Variants in ASB15 observed in about 807,000 individuals in gnomAD.
ASB15 encodes the protein ankyrin repeat and SOCS box containing 15.
A neutral mutation model predicts 58.0 loss-of-function variants in ASB15; 54 were observed. The ratio of observed to expected loss-of-function variants is 0.93; its 90% confidence interval spans 0.75 to 1.17. The LOEUF is 1.17. ASB15 is among the 50% of genes most tolerant of loss of function. The probability of loss-of-function intolerance (pLI) is 0.00; values close to 1 mark genes in which losing one functional copy is unlikely to be tolerated. For synonymous variants in ASB15, 249 were observed against 262.4 expected, an observed-to-expected ratio of 0.95 and a Z score of 0.50; for missense variants, 680 against 707.4, an observed-to-expected ratio of 0.96 and a Z score of 0.44.
intron 11 of ASB15, among the ~76,000 whole-genome samples, chr7:123,633,941 A>G (rs1353457643): frequency 6.6e-6 from 1 of 152,248 alleles, no homozygotes; most frequent in East Asian, 1.9e-4. Context: ...AACTGGCCAA[A>G]GATGGGACAA....
intron 1 of ASB15, among the ~76,000 whole-genome samples, chr7:123,593,189 G>A (rs1341339967): frequency 6.6e-6 from 1 of 152,090 alleles, no homozygotes; most frequent in Non-Finnish European, 1.5e-5. Flanking sequence ...TGGGTCTCCT[G>A]AATATAGCAC....
intron 1 of ASB15, among the ~76,000 whole-genome samples, chr7:123,584,583 A>G (rs1422724212): frequency 3.3e-5 from 5 of 151,986 alleles, no homozygotes; most frequent in African/African-American, 1.2e-4. Context: ...GTTTTCAACC[A>G]CTCAACATGA....
At chr7:123,572,765 A>G (rs1329218319) in intron 1 of ASB15, among the ~76,000 whole-genome samples, 2 of 151,062 alleles carry the variant, frequency 1.3e-5, no homozygotes, top group African/African-American at 4.9e-5. Flanking sequence ...AGTAGTATAT[A>G]TTTTTAATTA....
intron 1 of ASB15, among the ~76,000 whole-genome samples, chr7:123,571,663 T>C (rs1443839388): frequency 1.3e-5 from 2 of 152,212 alleles, no homozygotes; most frequent in Non-Finnish European, 2.9e-5. Flanking sequence ...GTGGTACTAA[T>C]TTACAAAATA....
At chr7:123,582,936 A>G (rs1467814644) in intron 1 of ASB15, among the ~76,000 whole-genome samples, 2 of 152,110 alleles carry the variant, frequency 1.3e-5, no homozygotes, top group Non-Finnish European at 2.9e-5. Flanking sequence ...GTACCATGAA[A>G]GAAACTAGTG....
chr7:123,626,992 TC>T, intron 8 of ASB15, 117 bp from the exon 9 acceptor site: 1 of 1,053,722 alleles, frequency 9.5e-7, no homozygotes, highest in Non-Finnish European at 1.4e-6. Context: ...CGCCTCAGCC[TC>T]CAGTGCTGGG....
At chr7:123,584,825 T>G (rs1380903126) in intron 1 of ASB15, 1 of 151,900 alleles carries the variant, frequency 6.6e-6, no homozygotes, top group Non-Finnish European at 1.5e-5. Context: ...TTCCATTAGT[T>G]CAAAAGAAAA....
rs1802238774 is a variant in ASB15 at position 123,633,505 on chromosome 7, G to C, written c.1595-3304G>C. On this transcript the variant is annotated intron_variant, in intron 11 of 11. Transcript: ENST00000451215. ...AGAAAGAAAATACAGATGTAATAGA[G>C]AAGAGATTAAAGAGAAATCCTGTAG... Among the ~76,000 whole-genome samples, 3 of 152,236 alleles carry C rather than the reference G, an allele frequency of 2.0e-5. No homozygotes were observed. The South Asian group carries it at 6.2e-4, about 32-fold the overall frequency.
In ASB15 at chr7:123,627,050, T is replaced by G. The variant is rs1801834215; in HGVS notation, c.698-60T>G. 2.6e-6 allele frequency: 4 copies of G among 1,519,668 alleles called. No individual in the cohort carries two copies. In the African/African-American group the frequency reaches 4.1e-5, roughly 16 times the overall value. 94.1% of individuals were successfully genotyped at this position (1,519,668 alleles called of 1,614,324 possible). On this transcript the variant is annotated intron_variant, in intron 8 of 11. Transcript: ENST00000451215. ...GCCCAGCCCCACAACAGGCTGTTTT[T>G]AAGGGGATTGTTTAAACAATACCAT...
chr7:123,614,307 G>C (rs138854179), intron 3 of ASB15, 194 bp from the exon 4 acceptor site: 20 of 500,302 alleles, frequency 4.0e-5, no homozygotes, highest in Middle Eastern at 5.2e-4. Context: ...GGTTTCAACA[G>C]TTAGACCATT....
At chr7:123,614,237 C>T in intron 3 of ASB15, 1 of 340,432 alleles carries the variant, frequency 2.9e-6, no homozygotes, top group Non-Finnish European at 5.2e-6. Context: ...GCAGTCATTA[C>T]TGAAAAAAAA....
chr7:123,568,706 A>T (rs1410706118), intron 1 of ASB15, among the ~76,000 whole-genome samples: 1 of 152,158 alleles, frequency 6.6e-6, no homozygotes, highest in African/African-American at 2.4e-5. Context: ...CTAAGGAGAT[A>T]AAAACTATTT....
At chr7:123,609,689 C>CT (rs1194758230) in intron 3 of ASB15, among the ~76,000 whole-genome samples, 1 of 152,156 alleles carries the variant, frequency 6.6e-6, no homozygotes, top group Non-Finnish European at 1.5e-5. Flanking sequence ...TGTATTCGTC[C>CT]TTTTTCAGGG....
At chr7:123,607,118 A>G (rs1444539561) in intron 2 of ASB15, among the ~76,000 whole-genome samples, 2 of 152,232 alleles carry the variant, frequency 1.3e-5, no homozygotes, top group African/African-American at 4.8e-5. Context: ...TGAATATTTC[A>G]CAATGTATAC....
chr7:123,605,629 G>T (rs1409494065), intron 2 of ASB15, among the ~76,000 whole-genome samples: 4 of 152,150 alleles, frequency 2.6e-5, no homozygotes, highest in Admixed American at 6.5e-5. Flanking sequence ...TAAAGATAAT[G>T]TTGTACGTAT....
In ASB15 at chr7:123,629,052, C is replaced by A. The variant is rs1376721710; in HGVS notation, c.1058C>A (p.Ala353Glu). 6.2e-7 allele frequency: 1 copy of A among 1,613,572 alleles called. No homozygotes were observed. Among genetic ancestry groups the A allele is most frequent in the Non-Finnish European group, 8.5e-7 (1 of 1,179,676 alleles). The change falls in exon 10 of 12, where the codon GCG (alanine) becomes GAG (glutamate). Residue 353 changes from alanine to glutamate, a missense_variant. Transcript: ENST00000451215. ...AGCTATGACGATGAGAGGAAGACTG[C>A]GCTGTATTTTGGCGTTTCTAATAAT... ...SQSYDDERKT[A>E]LYFGVSNNDV...
At chr7:123,570,927 GC>G (rs1798893191) in intron 1 of ASB15, among the ~76,000 whole-genome samples, 1 of 152,096 alleles carries the variant, frequency 6.6e-6, no homozygotes, top group Non-Finnish European at 1.5e-5. Context: ...CAGCTGTACG[GC>G]CTGGGTGAGT....
chr7:123,623,882 G>GAAAAA (rs1562935489), intron 7 of ASB15, among the ~76,000 whole-genome samples: 1 of 113,128 alleles, frequency 8.8e-6, no homozygotes, highest in African/African-American at 3.3e-5. Context: ...AAAAAGAAAA[G>GAAAAA]AAAAGAAGAA....
At chr7:123,606,466 T>C (rs1283024969) in intron 2 of ASB15, among the ~76,000 whole-genome samples, 2 of 152,232 alleles carry the variant, frequency 1.3e-5, no homozygotes, top group Non-Finnish European at 2.9e-5. Flanking sequence ...TAGTTCACTT[T>C]TCTTGTTGTT....
Sources: gnomAD v4.1 joint callset for allele counts (sites outside exome capture counted in the v4.1 genomes callset) on GRCh38, gnomAD v4.1.1 for gene constraint, MANE v1.5 for transcripts, NCBI Gene and HGNC (gene_info 2026-07-23, HGNC 2026-07-21) for gene names.